Variants in FCRL5 observed in about 807,000 individuals in gnomAD.
The protein encoded by FCRL5 is Fc receptor like 5.
FCRL5 carries 79 observed loss-of-function variants against 92.1 expected under a neutral mutation model. The observed-to-expected ratio is 0.86, with a 90% CI of 0.72 to 1.03. FCRL5 has a LOEUF of 1.03. Ranked by LOEUF, FCRL5 falls within the 50% of genes least tolerant of loss-of-function variation. The pLI is 0.00. For missense variants in FCRL5, 1,160 were observed against 1,181.1 expected (o/e 0.98, Z 0.26); for synonymous variants, 466 against 469.3 (o/e 0.99, Z 0.09).
chr1:157,538,438 C>G (rs1245773231), intron 7 of FCRL5, among the ~76,000 whole-genome samples: 1 of 152,204 alleles, frequency 6.6e-6, no homozygotes, highest in Non-Finnish European at 1.5e-5. Context: ...AGATCCAAAG[C>G]TCAAAGGAAA....
rs533821737 is a variant in FCRL5, at chr1:157,544,945, T to C, written c.445A>G (p.Thr149Ala). The part of the protein sequence containing the change: ...DNVLAFLNKR[T>A]DFHIPHACLK... The stretch of plus-strand genomic sequence containing the variant: ...CATGCATGAGGAATATGGAAGTCAG[T>C]TCTTTTATTAAGGAATGCCAGGACA... Residue 149 changes from threonine to alanine, a missense_variant, in exon 4 of 17, where the codon ACT becomes GCT. Thr to Ala is a moderately conservative substitution (Grantham distance 58, BLOSUM62 0). Coordinates refer to ENST00000361835, the MANE Select transcript of FCRL5 (RefSeq NM_031281.3). 6.2e-7 allele frequency: 1 copy of C among 1,614,244 alleles called. No individual in the cohort carries two copies. The highest frequency in any genetic ancestry group is 1.7e-5 in the Admixed American group (1 of 60,032).
At chr1:157,524,828 G>T (rs1650359222) in intron 9 of FCRL5, among the ~76,000 whole-genome samples, 1 of 152,204 alleles carries the variant, frequency 6.6e-6, no homozygotes, top group Admixed American at 6.5e-5. Flanking sequence ...GAGGTAAAAA[G>T]ACAGTTGGAG....
intron 7 of FCRL5, among the ~76,000 whole-genome samples, chr1:157,535,943 G>GTTTTGTTTTTTT (rs1650947745): frequency 1.1e-5 from 1 of 90,008 alleles, no homozygotes; most frequent in African/African-American, 3.8e-5. Flanking sequence ...ATGTGACTCA[G>GTTTTGTTTTTTT]TTTTTTTTTT....
chr1:157,548,028 A>C (rs560895016), intron 2 of FCRL5, among the ~76,000 whole-genome samples: 18 of 152,298 alleles, frequency 1.2e-4, no homozygotes, highest in Middle Eastern at 3.4e-3. Flanking sequence ...ACAGTGGGAT[A>C]TTTTCAGGGT....
Position 157,518,728 on chromosome 1 carries a change from C to T in FCRL5, c.2715G>A (p.Trp905Ter). ...TAGTGTACACTGGTTGCAGCTCTTC[C>T]CAGGCTGGTACATTGTGATAGGTGG... ...QEPTYHNVPA[W>*]EELQPVYTNA... The change falls in exon 14 of 17, where the codon TGG becomes TGA. Residue 905 changes from tryptophan to a stop codon, truncating the protein, a stop_gained. Transcript: ENST00000361835. LOFTEE classifies it high-confidence loss of function. The T allele has an allele frequency of 6.2e-7, 1 of 1,613,432 alleles. No individual in the cohort carries two copies. The highest frequency in any genetic ancestry group is 1.1e-5 in the South Asian group (1 of 90,772).
In FCRL5 at chr1:157,520,545, G is replaced by A. The variant is rs200199101; in HGVS notation, c.2518C>T (p.Leu840=). 1 of 1,583,278 alleles carries A rather than the reference G, an allele frequency of 6.3e-7. No homozygotes were observed. Among genetic ancestry groups the A allele is most frequent in the Non-Finnish European group, 8.6e-7 (1 of 1,164,510 alleles). Residue 840 remains leucine, a splice_region_variant and synonymous_variant, in exon 12 of 17, where the codon CTG becomes TTG. Transcript: ENST00000361835. ...SETVTLYITG[L]TANRSGPFAT... ...AAAGGGCCACTTCTGTTCGCGGTCA[G>A]CCCTGAGGGGGAGACCCTGTGTGTG...
chr1:157,521,543 C>A, intron 10 of FCRL5: 1 of 382,188 alleles, frequency 2.6e-6, no homozygotes, highest in Non-Finnish European at 4.6e-6. Context: ...AGATTCTCAT[C>A]TTCATTACTA....
chr1:157,549,609 C>A, intron 1 of FCRL5, 29 bp from the exon 2 acceptor site: 1 of 1,606,370 alleles, frequency 6.2e-7, no homozygotes. Flanking sequence ...CAGAGATGAG[C>A]ACAGAACCAT....
Position 157,514,715 on chromosome 1 carries a change from C to T in FCRL5, c.*960G>A, listed in dbSNP as rs1571067650. 1 of 152,278 alleles carries T rather than the reference C, an allele frequency of 6.6e-6. No individual in the cohort carries two copies. Among genetic ancestry groups the T allele is most frequent in the Non-Finnish European group, 1.5e-5 (1 of 68,070 alleles). The allele number at this position is 152,278 out of a possible 1,614,324, so 9.4% of individuals were successfully genotyped here. ...TTTCACAGGATCCTCAGGTGATCCA[C>T]AAGCACATGAAAGTGTGAGAAGCCC... On this transcript the variant is annotated 3_prime_UTR_variant, in exon 17 of 17. Coordinates refer to ENST00000361835, the MANE Select transcript of FCRL5 (RefSeq NM_031281.3).
intron 4 of FCRL5, 90 bp downstream of exon 4, chr1:157,544,741 C>G: frequency 6.5e-7 from 1 of 1,537,970 alleles, no homozygotes; most frequent in Non-Finnish European, 8.9e-7. Flanking sequence ...TAGTGGTATT[C>G]CAGTCCACCC....
rs551095820 is a variant in FCRL5, at chr1:157,539,427, G to A, written c.1124-63C>T. ...CCTCCTGCTGTAGTTTTCATAAAAG[G>A]AAAATAAATCTTGGGAACCCCAAAT... is the stretch of plus-strand genomic sequence containing the variant. On this transcript the variant is annotated intron_variant, in intron 6 of 16. Transcript: ENST00000361835. 5 of 1,473,964 alleles carry A rather than the reference G, an allele frequency of 3.4e-6. No homozygotes were observed. The South Asian group carries it at 5.8e-5, about 17-fold the overall frequency. 91.3% of individuals were successfully genotyped at this position (1,473,964 alleles called of 1,614,324 possible). A position where few individuals can be genotyped will look rare whatever the true frequency, so the allele number is the denominator to read the frequency against.
Position 157,539,290 on chromosome 1 carries a change from G to C in FCRL5, c.1198C>G (p.His400Asp). Residue 400 changes from histidine (H) to aspartate (D), a missense_variant, in exon 7 of 17, where the codon CAC (histidine) becomes GAC (aspartate). By Grantham distance (81) the His-to-Asp change is moderately conservative. Coordinates refer to ENST00000361835, the MANE Select transcript of FCRL5 (RefSeq NM_031281.3). ...LIFEGAKVTL[H>D]CEAQRGSLPI... Reference sequence around the variant, plus strand: ...AGTGAACCTCTCTGGGCTTCACAGTGAAGTGTCACCTTGGCTCCCTCAAAA... The same window carrying C: ...AGTGAACCTCTCTGGGCTTCACAGTCAAGTGTCACCTTGGCTCCCTCAAAA... 6.2e-7 allele frequency: 1 copy of C among 1,614,152 alleles called. No individual in the cohort carries two copies. Among genetic ancestry groups the C allele is most frequent in the Non-Finnish European group, 8.5e-7 (1 of 1,180,006 alleles).
chr1:157,533,733 A>C (rs1212162360), intron 8 of FCRL5: 1 of 152,456 alleles, frequency 6.6e-6, no homozygotes, highest in Non-Finnish European at 1.5e-5. Context: ...AGAAAGTAAA[A>C]CATGGATAAA....
intron 8 of FCRL5, chr1:157,532,488 T>A (rs562712843): frequency 7.9e-5 from 12 of 152,328 alleles, no homozygotes; most frequent in Admixed American, 7.2e-4. Flanking sequence ...ATAATAATAA[T>A]CATGAGAAAA....
At chr1:157,515,995 C>T in intron 15 of FCRL5, 122 bp from the exon 16 acceptor site, 5 of 1,067,300 alleles carry the variant, frequency 4.7e-6, no homozygotes, top group Non-Finnish European at 7.1e-6. Context: ...CGGTGAGTAG[C>T]CATTCCTCTT....
At position 157,541,320 on chromosome 1, in the gene FCRL5, C is replaced by G. The variant is rs150433182; in HGVS notation, c.1123+1539G>C. Among the ~76,000 whole-genome samples, 3 of 152,328 alleles carry G rather than the reference C, an allele frequency of 2.0e-5. No individual in the cohort carries two copies. In the East Asian group the frequency reaches 5.8e-4, roughly 29 times the overall value. ...CTGGCTGCCCCCCAAACTGGCTGCT[C>G]TATGACTCATTTCTCACTGTGCTGC... On this transcript the variant is annotated intron_variant, in intron 6 of 16. Coordinates refer to ENST00000361835, the MANE Select transcript of FCRL5 (RefSeq NM_031281.3).
chr1:157,516,137 A>G lies in FCRL5; in HGVS notation c.2813-264T>C, dbSNP rs547139704. The G allele has an allele frequency of 9.9e-4, 576 of 584,236 alleles. 8 individuals are homozygous for G. Among genetic ancestry groups the G allele is most frequent in the South Asian group, 9.3e-3 (447 of 48,236 alleles). 36.2% of individuals were successfully genotyped at this position (584,236 alleles called of 1,614,324 possible). On this transcript the variant is annotated intron_variant, in intron 15 of 16. Transcript: ENST00000361835. ...GCCTAGAGGCCCTCAAGAGAAAGTC[A>G]TTTGTCTTTTATCTTGTTAGTTATT... is the stretch of plus-strand genomic sequence containing the variant.
chr1:157,523,052 C>T (rs1650271392), intron 10 of FCRL5, among the ~76,000 whole-genome samples: 1 of 152,180 alleles, frequency 6.6e-6, no homozygotes, highest in African/African-American at 2.4e-5. Context: ...GAAGTCATCA[C>T]CTCCTGGATA....
intron 4 of FCRL5, 25 bp downstream of exon 4, chr1:157,544,806 C>T (rs1651450897): frequency 6.2e-7 from 1 of 1,613,232 alleles, no homozygotes; most frequent in Admixed American, 1.7e-5. Context: ...GACCAACTCA[C>T]TTCACAAAAT....
Sources: gnomAD v4.1 joint callset for allele counts (sites outside exome capture counted in the v4.1 genomes callset) on GRCh38, gnomAD v4.1.1 for gene constraint, MANE v1.5 for transcripts, NCBI Gene and HGNC (gene_info 2026-07-23, HGNC 2026-07-21) for gene names.